PTPRQ: variants seen among roughly 807,000 people sequenced by gnomAD.
The protein encoded by PTPRQ is phosphatidylinositol phosphatase PTPRQ.
Under a neutral mutation model 246.0 loss-of-function variants are expected in PTPRQ, and 199 were observed. The ratio of observed to expected loss-of-function variants is 0.81; its 90% CI spans 0.72 to 0.91. The LOEUF is 0.91. Among genes scored for constraint, PTPRQ ranks in the 40% least tolerant of loss-of-function variants. The pLI, the probability that PTPRQ is intolerant of heterozygous loss-of-function variation, is 0.00. For synonymous variants in PTPRQ, 869 were observed against 853.2 expected (o/e 1.02, Z -0.32); for missense variants, 2,624 against 2,528.4 (o/e 1.04, Z -0.81).
chr12:80,604,109 T>A lies in PTPRQ; in HGVS notation c.4610-950T>A, dbSNP rs777868451. On this transcript the variant is annotated intron_variant, in intron 26 of 44. Coordinates refer to ENST00000644991, the MANE Select transcript of PTPRQ (RefSeq NM_001145026.2). The stretch of plus-strand genomic sequence containing the variant: ...GGAAAGGAATATTTCATCTTCCTGA[T>A]TATATCTTCTCCGGATCTGTGGGAT... Among the ~76,000 whole-genome samples, 6 of 151,686 alleles carry A rather than the reference T, an allele frequency of 4.0e-5. No homozygotes were observed. In the South Asian group the frequency reaches 1.2e-3, roughly 31 times the overall value.
intron 37 of PTPRQ, 57 bp downstream of exon 37, chr12:80,649,726 C>T: frequency 6.7e-7 from 1 of 1,497,868 alleles, no homozygotes; most frequent in Non-Finnish European, 8.9e-7. Flanking sequence ...TCATGTGTCA[C>T]ATTTCATGTC....
intron 33 of PTPRQ, among the ~76,000 whole-genome samples, chr12:80,622,969 A>G (rs1256615413): frequency 6.6e-6 from 1 of 152,120 alleles, no homozygotes; most frequent in African/African-American, 2.4e-5. Context: ...CTAGAATTTC[A>G]CTGAGAGGAT....
At chr12:80,445,417 T>C (rs4268567) in intron 2 of PTPRQ, 74 bp from the exon 3 acceptor site, 1 of 912,874 alleles carries the variant, frequency 1.1e-6, no homozygotes, top group South Asian at 1.8e-5. Flanking sequence ...CATTTATAAA[T>C]ACTGTTATTA....
intron 25 of PTPRQ, among the ~76,000 whole-genome samples, chr12:80,552,602 A>C (rs1896508305): frequency 7.6e-6 from 1 of 131,692 alleles, no homozygotes; most frequent in African/African-American, 2.8e-5. Context: ...CCTGATGTAG[A>C]GCCACCTAAA....
At chr12:80,585,075 CCT>C (rs1326806218) in intron 25 of PTPRQ, among the ~76,000 whole-genome samples, 11 of 151,338 alleles carry the variant, frequency 7.3e-5, no homozygotes, top group Non-Finnish European at 1.5e-5. Context: ...GAAGTCCAGA[CCT>C]CTCTCTACAG....
intron 6 of PTPRQ, among the ~76,000 whole-genome samples, chr12:80,464,091 A>C (rs1373171814): frequency 1.3e-5 from 2 of 151,980 alleles, no homozygotes; most frequent in Admixed American, 1.3e-4. Context: ...ATAAAGAGTC[A>C]AGACCCATCA....
Position 80,484,498 on chromosome 12 carries a change from A to T in PTPRQ, c.1252A>T (p.Lys418Ter). 1 of 1,551,410 alleles carries T rather than the reference A, an allele frequency of 6.4e-7. No homozygotes were observed. Among genetic ancestry groups the T allele is most frequent in the Non-Finnish European group, 8.7e-7 (1 of 1,146,888 alleles). The part of the protein sequence containing the change: ...VESTQVRITW[K>*]KPRQPNGIIN... ...ATCCACGCAAGTAAGAATTACTTGG[A>T]AGAAACCACGACAACCAAATGGAAT... is the stretch of plus-strand genomic sequence containing the variant. Residue 418 changes from lysine (K) to a stop codon, truncating the protein, a stop_gained, in exon 9 of 45, where the codon AAG (lysine) becomes TAG (stop). Transcript: ENST00000644991. LOFTEE classifies it high-confidence loss of function.
chr12:80,616,272 T>C lies in PTPRQ; in HGVS notation c.5230+6T>C. On this transcript the variant is annotated splice_donor_region_variant and intron_variant, in intron 30 of 44. Coordinates refer to ENST00000644991, the MANE Select transcript of PTPRQ (RefSeq NM_001145026.2). ...AATAACCATGGATATCAAAGGTACATACATGAGCTACCTTCCTATGAAATG... is the reference window on the plus strand; with the variant it reads ...AATAACCATGGATATCAAAGGTACACACATGAGCTACCTTCCTATGAAATG... The C allele has an allele frequency of 6.8e-7, 1 of 1,469,364 alleles. No homozygotes were observed. Among genetic ancestry groups the C allele is most frequent in the South Asian group, 1.4e-5 (1 of 70,240 alleles). The allele number at this position is 1,469,364 out of a possible 1,614,324, so 91.0% of individuals were successfully genotyped here. A position where few individuals can be genotyped will look rare whatever the true frequency, so the allele number is the denominator to read the frequency against.
intron 38 of PTPRQ, among the ~76,000 whole-genome samples, chr12:80,656,973 A>G (rs560452139): frequency 6.6e-6 from 1 of 151,918 alleles, no homozygotes; most frequent in African/African-American, 2.4e-5. Context: ...TTGTAAAATA[A>G]TAATAATTTA....
intron 23 of PTPRQ, among the ~76,000 whole-genome samples, chr12:80,545,489 G>T (rs1301912288): frequency 6.6e-6 from 1 of 151,930 alleles, no homozygotes; most frequent in African/African-American, 2.4e-5. Context: ...TCACATAGGA[G>T]ATTATCTTCT....
intron 8 of PTPRQ, among the ~76,000 whole-genome samples, chr12:80,483,791 G>C (rs1363507681): frequency 6.6e-6 from 1 of 151,512 alleles, no homozygotes; most frequent in Non-Finnish European, 1.5e-5. Context: ...GTGTCCATGT[G>C]TTCTCATTGT....
Position 80,669,057 on chromosome 12 carries a change from A to G in PTPRQ, c.6243A>G (p.Gly2081=). The G allele has an allele frequency of 6.4e-7, 1 of 1,550,606 alleles. No individual in the cohort carries two copies. The highest frequency in any genetic ancestry group is 8.7e-7 in the Non-Finnish European group (1 of 1,146,084). ...TTGCTACTCAAGGTCCACTACCAGG[A>G]ACAGTTGGAGATTTTTGGAGAATGG... is the stretch of plus-strand genomic sequence containing the variant. ...EFIATQGPLP[G]TVGDFWRMVW... The change falls in exon 40 of 45, where the codon GGA becomes GGG. Residue 2081 remains glycine, a synonymous_variant. Transcript: ENST00000644991.
chr12:80,502,637 T>G (rs1894837462), intron 14 of PTPRQ, among the ~76,000 whole-genome samples: 2 of 151,824 alleles, frequency 1.3e-5, no homozygotes, highest in Admixed American at 1.3e-4. Context: ...CCTGAGCATG[T>G]AGGGAAATGA....
rs147043873 is a variant in PTPRQ, at chr12:80,524,926, C to T, written c.2679-9089C>T. The stretch of plus-strand genomic sequence containing the variant: ...GGCCTTTGTTCTAAAAATAAAACAG[C>T]GCATTTATAGGATTATAGAAGTCTG... On this transcript the variant is annotated intron_variant, in intron 17 of 44. Coordinates refer to ENST00000644991, the MANE Select transcript of PTPRQ (RefSeq NM_001145026.2). 8.3e-3 allele frequency among the ~76,000 whole-genome samples: 1,268 copies of T among 152,120 alleles called. 12 individuals carry two copies. Among genetic ancestry groups the T allele is most frequent in the African/African-American group, 0.021 (851 of 41,502 alleles).
intron 25 of PTPRQ, among the ~76,000 whole-genome samples, chr12:80,577,666 A>G (rs886725322): frequency 6.6e-6 from 1 of 152,186 alleles, no homozygotes; most frequent in Admixed American, 6.5e-5. Context: ...GTTTCACAGT[A>G]TGTAATTTTA....
chr12:80,558,292 C>T (rs1293399632), intron 25 of PTPRQ, among the ~76,000 whole-genome samples: 1 of 151,636 alleles, frequency 6.6e-6, no homozygotes, highest in Non-Finnish European at 1.5e-5. Flanking sequence ...CTCAGCCTCC[C>T]GAGTAGCTGG....
chr12:80,604,620 G>C (rs962327356), intron 26 of PTPRQ, among the ~76,000 whole-genome samples: 1 of 151,386 alleles, frequency 6.6e-6, no homozygotes, highest in African/African-American at 2.4e-5. Context: ...AACAATATAT[G>C]TATACTTTCA....
chr12:80,484,808 T>C (rs1430746704), intron 9 of PTPRQ, among the ~76,000 whole-genome samples: 1 of 152,152 alleles, frequency 6.6e-6, no homozygotes. Context: ...CTATTATTCC[T>C]TTTCATCATA....
chr12:80,598,302 G>A (rs183433345), intron 26 of PTPRQ, among the ~76,000 whole-genome samples: 263 of 152,096 alleles, frequency 1.7e-3, no homozygotes, highest in Non-Finnish European at 2.9e-3. Flanking sequence ...TGACAGTGGT[G>A]ATGCGTTTTG....
Sources: gnomAD v4.1 joint callset for allele counts (sites outside exome capture counted in the v4.1 genomes callset) on GRCh38, gnomAD v4.1.1 for gene constraint, MANE v1.5 for transcripts, NCBI Gene and HGNC (gene_info 2026-07-23, HGNC 2026-07-21) for gene names.